Variants in UTRN observed in about 807,000 individuals in gnomAD.
UTRN encodes utrophin.
In UTRN, 283 loss-of-function variants were observed where a neutral mutation model predicts 463.9. That is an observed-to-expected ratio of 0.61 (90% CI 0.55 to 0.67). The LOEUF (loss-of-function observed/expected upper bound fraction) is 0.67. Ranked by LOEUF, UTRN falls within the 30% of genes least tolerant of loss-of-function variation. The pLI, the probability that UTRN is intolerant of heterozygous loss-of-function variation, is 0.00. For missense variants in UTRN, 3,922 were observed against 4,084.3 expected (o/e 0.96, Z 1.08); for synonymous variants, 1,442 against 1,431.5 (o/e 1.01, Z -0.17).
intron 2 of UTRN, among the ~76,000 whole-genome samples, chr6:144,365,526 G>GT (rs976547506): frequency 1.3e-5 from 2 of 152,116 alleles, no homozygotes; most frequent in African/African-American, 4.8e-5. Flanking sequence ...TGATTTAATG[G>GT]TTTTCTCTCA....
intron 3 of UTRN, among the ~76,000 whole-genome samples, chr6:144,406,789 A>T (rs549874420): frequency 6.6e-5 from 10 of 152,146 alleles, no homozygotes; most frequent in Non-Finnish European, 1.5e-4. Flanking sequence ...ACACAATTAA[A>T]AATTGAAATT....
At chr6:144,440,574 AGGGT>A in intron 13 of UTRN, 103 bp downstream of exon 13, 1 of 1,518,836 alleles carries the variant, frequency 6.6e-7, no homozygotes, top group Admixed American at 1.9e-5. Flanking sequence ...TTTATCCAGA[AGGGT>A]AGAAAAACCT....
chr6:144,644,086 A>G lies in UTRN; in HGVS notation c.7480-34320A>G, dbSNP rs1778053584. 2.0e-5 allele frequency among the ~76,000 whole-genome samples: 3 copies of G among 152,224 alleles called. No individual in the cohort carries two copies. In the South Asian group the frequency reaches 6.2e-4, roughly 32 times the overall value. ...GGAAATATATGAATAAGAGGCATGA[A>G]TCCACAATTGCTGAAGCAAATCAAT... On this transcript the variant is annotated intron_variant, in intron 51 of 74. Coordinates refer to ENST00000367545, the MANE Select transcript of UTRN (RefSeq NM_007124.3).
intron 55 of UTRN, among the ~76,000 whole-genome samples, chr6:144,748,972 T>A (rs954837965): frequency 1.3e-5 from 2 of 151,724 alleles, no homozygotes; most frequent in Admixed American, 1.3e-4. Context: ...CTACTCGGTA[T>A]CTCTTGTAAA....
intron 53 of UTRN, among the ~76,000 whole-genome samples, chr6:144,711,728 G>T (rs139967573): frequency 6.6e-6 from 1 of 152,310 alleles, no homozygotes; most frequent in East Asian, 1.9e-4. Context: ...AGCAAATCTA[G>T]AATAATTGAA....
chr6:144,322,002 G>A (rs1265207366), intron 2 of UTRN, among the ~76,000 whole-genome samples: 3 of 152,100 alleles, frequency 2.0e-5, no homozygotes, highest in Non-Finnish European at 4.4e-5. Context: ...GACTTCAAGC[G>A]ATCCACCCGC....
chr6:144,473,894 T>G, intron 24 of UTRN, 61 bp downstream of exon 24: 3 of 1,165,654 alleles, frequency 2.6e-6, no homozygotes, highest in Non-Finnish European at 3.7e-6. Flanking sequence ...TTCTATGTTA[T>G]TTGCTGCTAT....
chr6:144,774,971 G>T (rs1025321691), intron 60 of UTRN, among the ~76,000 whole-genome samples: 2 of 152,138 alleles, frequency 1.3e-5, no homozygotes, highest in African/African-American at 4.8e-5. Context: ...TGAATACTTA[G>T]CATATAGATT....
At position 144,851,203 on chromosome 6, in the gene UTRN, GT is replaced by G. The variant is rs1782460548; in HGVS notation, c.*210del. 1 of 620,134 alleles carries G rather than the reference GT, an allele frequency of 1.6e-6. No homozygotes were observed. 38.4% of individuals were successfully genotyped at this position (620,134 alleles called of 1,614,324 possible). A position where few individuals can be genotyped will look rare whatever the true frequency, so the allele number is the denominator to read the frequency against. Reference sequence around the variant, plus strand: ...GTTTTTATAATAACCATATATTATTGTTTTCTTCTTCCCTTTCTATGCAAGT... The same window carrying G: ...GTTTTTATAATAACCATATATTATTGTTTCTTCTTCCCTTTCTATGCAAGT... On this transcript the variant is annotated 3_prime_UTR_variant, in exon 75 of 75. Coordinates refer to ENST00000367545, the MANE Select transcript of UTRN (RefSeq NM_007124.3).
In UTRN at chr6:144,446,501, C is replaced by T. The variant is rs113691046; in HGVS notation, c.1615-710C>T. 2.9e-3 allele frequency among the ~76,000 whole-genome samples: 439 copies of T among 152,280 alleles called. 2 individuals are homozygous for T. The highest frequency in any genetic ancestry group is 9.5e-3 in the African/African-American group (396 of 41,554). Reference sequence around the variant, plus strand: ...CTACTAAATAGAAAAGGGTTTCCACCCTAAATGCTACATTTTGGGAGAAAT... The same window carrying T: ...CTACTAAATAGAAAAGGGTTTCCACTCTAAATGCTACATTTTGGGAGAAAT... On this transcript the variant is annotated intron_variant, in intron 14 of 74. Coordinates refer to ENST00000367545, the MANE Select transcript of UTRN (RefSeq NM_007124.3).
At chr6:144,364,283 T>G (rs1311411910) in intron 2 of UTRN, among the ~76,000 whole-genome samples, 1 of 152,204 alleles carries the variant, frequency 6.6e-6, no homozygotes, top group Admixed American at 6.5e-5. Context: ...GTTTGTTGAT[T>G]AGGAACTCAA....
chr6:144,736,126 T>C lies in UTRN; in HGVS notation c.7939+5640T>C, dbSNP rs910556556. 5.3e-5 allele frequency among the ~76,000 whole-genome samples: 8 copies of C among 152,314 alleles called. No homozygotes were observed. In the East Asian group the frequency reaches 1.5e-3, roughly 29 times the overall value. On this transcript the variant is annotated intron_variant, in intron 54 of 74. Transcript: ENST00000367545. ...TACTATTTTCTATAACAATGGCTGG[T>C]TTTACTTGTTAAAAATAAATCGAAG...
chr6:144,299,292 G>A (rs909956950), intron 2 of UTRN, among the ~76,000 whole-genome samples: 1 of 152,190 alleles, frequency 6.6e-6, no homozygotes, highest in Non-Finnish European at 1.5e-5. Flanking sequence ...TATAGACAAG[G>A]AAGGCAGGTT....
chr6:144,584,002 A>T (rs986526254), intron 51 of UTRN, among the ~76,000 whole-genome samples: 1 of 152,212 alleles, frequency 6.6e-6, no homozygotes, highest in East Asian at 1.9e-4. Context: ...GTAGATTTTT[A>T]AAAAATGTTC....
At chr6:144,338,223 G>T (rs1365897484) in intron 2 of UTRN, among the ~76,000 whole-genome samples, 1 of 151,816 alleles carries the variant, frequency 6.6e-6, no homozygotes, top group African/African-American at 2.4e-5. Context: ...TTTTAGACAT[G>T]TGCTTTTAAA....
At chr6:144,434,810 C>T (rs141013540) in intron 9 of UTRN, among the ~76,000 whole-genome samples, 10 of 152,194 alleles carry the variant, frequency 6.6e-5, no homozygotes, top group Non-Finnish European at 1.3e-4. Context: ...GGGAAACAAG[C>T]TTCTGAAAGC....
intron 51 of UTRN, among the ~76,000 whole-genome samples, chr6:144,677,664 G>A (rs914162039): frequency 2.6e-5 from 4 of 152,064 alleles, no homozygotes; most frequent in Admixed American, 2.6e-4. Flanking sequence ...GGTATTTTTG[G>A]TTCTATATCC....
chr6:144,479,687 C>G (rs1449251240), intron 25 of UTRN, 125 bp from the exon 26 acceptor site: 2 of 1,140,472 alleles, frequency 1.8e-6, no homozygotes, highest in East Asian at 4.9e-5. Flanking sequence ...GAGATTTTAT[C>G]TGAATTTTAA....
At chr6:144,750,822 C>T (rs913730284) in intron 55 of UTRN, among the ~76,000 whole-genome samples, 1 of 152,108 alleles carries the variant, frequency 6.6e-6, no homozygotes, top group African/African-American at 2.4e-5. Flanking sequence ...GGTCTATTCC[C>T]AAGCAGCTTC....
Sources: allele counts gnomAD v4.1 joint callset (sites outside exome capture counted in the v4.1 genomes callset), GRCh38; gene constraint gnomAD v4.1.1; transcripts MANE v1.5; gene names NCBI Gene and HGNC (gene_info 2026-07-23, HGNC 2026-07-21).